The following SRCIN1 variants were observed in gnomAD, a reference collection of about 807,000 sequenced individuals.
The protein encoded by SRCIN1 is P130Cas-associated protein.
Under a neutral mutation model 116.2 loss-of-function variants are expected in SRCIN1, and 50 were observed. That is an observed-to-expected ratio of 0.43 (90% CI 0.34 to 0.54). The LOEUF (loss-of-function observed/expected upper bound fraction) is 0.54. SRCIN1 is among the 20% of genes least tolerant of loss of function. The pLI, the probability that SRCIN1 is intolerant of heterozygous loss-of-function variation, is 0.02. For missense variants in SRCIN1, 1,446 were observed against 1,672.0 expected, an observed-to-expected ratio of 0.86 and a Z score of 2.36; for synonymous variants, 736 against 750.0, an observed-to-expected ratio of 0.98 and a Z score of 0.30.
At chr17:38,575,952 A>G (rs1907394277) in intron 2 of SRCIN1, among the ~76,000 whole-genome samples, 1 of 152,202 alleles carries the variant, frequency 6.6e-6, no homozygotes, top group Non-Finnish European at 1.5e-5. Context: ...TGAACGGGCC[A>G]TAGATCCTGC....
chr17:38,592,424 C>T (rs983668141), intron 1 of SRCIN1, among the ~76,000 whole-genome samples: 4 of 152,326 alleles, frequency 2.6e-5, no homozygotes, highest in East Asian at 3.9e-4. Context: ...ACAAGTGCTC[C>T]CTGTTACCCG....
intron 1 of SRCIN1, among the ~76,000 whole-genome samples, chr17:38,580,358 C>T (rs1907718085): frequency 6.6e-6 from 1 of 152,278 alleles, no homozygotes; most frequent in African/African-American, 2.4e-5. Flanking sequence ...GGCACAGAGC[C>T]TGCGAGGACC....
Position 38,537,608 on chromosome 17 carries a change from G to A in SRCIN1, c.3418-4177C>T, listed in dbSNP as rs182255904. Among the ~76,000 whole-genome samples the A allele has an allele frequency of 3.8e-3, 574 of 151,954 alleles. 3 individuals carry two copies. Among genetic ancestry groups the A allele is most frequent in the African/African-American group, 0.013 (556 of 41,410 alleles). Reference sequence around the variant, plus strand: ...AGATCGAGACCATCCTGGCTAACAGGGTGAAACCCTGTCTCTACTAAAAAT... The same window carrying A: ...AGATCGAGACCATCCTGGCTAACAGAGTGAAACCCTGTCTCTACTAAAAAT... On this transcript the variant is annotated intron_variant, in intron 18 of 18. Coordinates refer to ENST00000617146, the MANE Select transcript of SRCIN1 (RefSeq NM_025248.3).
intron 18 of SRCIN1, among the ~76,000 whole-genome samples, chr17:38,539,723 G>A (rs73302699): frequency 0.018 from 2,692 of 152,072 alleles, 84 homozygotes; most frequent in African/African-American, 0.06. Flanking sequence ...CTCTGGTGTC[G>A]TCCTTTCATT....
At position 38,532,635 on chromosome 17, in the gene SRCIN1, C is replaced by A. The variant is rs1438757681; in HGVS notation, c.*662G>T. The A allele has an allele frequency of 6.6e-6, 1 of 152,316 alleles. No homozygotes were observed. The highest frequency in any genetic ancestry group is 1.5e-5 in the Non-Finnish European group (1 of 68,132). 9.4% of individuals were successfully genotyped at this position (152,316 alleles called of 1,614,324 possible). ...CACCCACCCTGAGGCCTCTCAAACT[C>A]CGGCCTCGTCTCCAGCCTGTCCGTC... On this transcript the variant is annotated 3_prime_UTR_variant, in exon 19 of 19. Transcript: ENST00000617146. This position sits in a 1 kb window ranked among gnomAD's most constrained non-coding sequence, Gnocchi z 4.3.
intron 1 of SRCIN1, among the ~76,000 whole-genome samples, chr17:38,581,826 T>C (rs1907840526): frequency 6.6e-6 from 1 of 152,146 alleles, no homozygotes. Flanking sequence ...ATGAGAAGGC[T>C]GGGGGTTCCC....
intron 1 of SRCIN1, among the ~76,000 whole-genome samples, chr17:38,600,060 T>A (rs1347782289): frequency 6.6e-6 from 1 of 152,224 alleles, no homozygotes; most frequent in Non-Finnish European, 1.5e-5. Context: ...TTTCATTTAA[T>A]CTTCACAATT....
chr17:38,601,864 T>TG (rs1328191493), intron 1 of SRCIN1, among the ~76,000 whole-genome samples: 1 of 150,842 alleles, frequency 6.6e-6, no homozygotes, highest in Non-Finnish European at 1.5e-5. Flanking sequence ...AGGCAGACAA[T>TG]GGGAGGGGTG....
chr17:38,545,687 G>A (rs1348929923), intron 17 of SRCIN1, among the ~76,000 whole-genome samples: 2 of 152,160 alleles, frequency 1.3e-5, no homozygotes, highest in Admixed American at 6.5e-5. Flanking sequence ...TAAAGGTGCC[G>A]GTTTGGCCAG....
intron 1 of SRCIN1, among the ~76,000 whole-genome samples, chr17:38,586,331 G>A (rs1233184163): frequency 6.6e-6 from 1 of 152,220 alleles, no homozygotes; most frequent in East Asian, 1.9e-4. Flanking sequence ...GTGGATGGGG[G>A]CGGGGGGAGA....
intron 9 of SRCIN1, 59 bp downstream of exon 9, chr17:38,559,995 T>G: frequency 7.0e-7 from 1 of 1,438,608 alleles, no homozygotes; most frequent in South Asian, 1.2e-5. Flanking sequence ...ATCCCCACTT[T>G]ATAGATTAGA....
intron 11 of SRCIN1, among the ~76,000 whole-genome samples, chr17:38,553,532 T>C (rs1054134133): frequency 2.0e-5 from 3 of 152,088 alleles, no homozygotes; most frequent in Admixed American, 6.5e-5. Context: ...AGGTCTCTTG[T>C]CTCGGGGGAA....
At chr17:38,559,425 G>A in intron 10 of SRCIN1, 160 bp downstream of exon 10, 1 of 705,600 alleles carries the variant, frequency 1.4e-6, no homozygotes, top group Non-Finnish European at 2.3e-6. Context: ...AAAGGGGAAG[G>A]GGAGAAAGGG....
chr17:38,580,162 C>T lies in SRCIN1; in HGVS notation c.23-1371G>A, dbSNP rs552246465. Among the ~76,000 whole-genome samples, 4 of 151,266 alleles carry T rather than the reference C, an allele frequency of 2.6e-5. No homozygotes were observed. The South Asian group carries it at 8.3e-4, about 32-fold the overall frequency. Reference sequence around the variant, plus strand: ...GCCAGGTTTGCTACAAGCCTCCTCCCGCCAAGCATCCACTGTCAGGAGGTC... The same window carrying T: ...GCCAGGTTTGCTACAAGCCTCCTCCTGCCAAGCATCCACTGTCAGGAGGTC... On this transcript the variant is annotated intron_variant, in intron 1 of 18. Transcript: ENST00000617146.
intron 1 of SRCIN1, among the ~76,000 whole-genome samples, chr17:38,589,581 C>G (rs1908331316): frequency 1.3e-5 from 2 of 152,208 alleles, no homozygotes; most frequent in South Asian, 4.1e-4. Flanking sequence ...CTGACCAATG[C>G]TTAGCCAATG....
At chr17:38,588,665 C>T (rs1908277492) in intron 1 of SRCIN1, among the ~76,000 whole-genome samples, 1 of 152,328 alleles carries the variant, frequency 6.6e-6, no homozygotes, top group African/African-American at 2.4e-5. Flanking sequence ...TCCTCCCTCC[C>T]TGCAGCTGCC....
intron 3 of SRCIN1, among the ~76,000 whole-genome samples, chr17:38,565,612 C>T (rs993542198): frequency 6.6e-6 from 1 of 152,178 alleles, no homozygotes. Flanking sequence ...CTTCAGCTCC[C>T]TCTCTCCCCA....
At chr17:38,537,163 GC>G (rs1904438135) in intron 18 of SRCIN1, among the ~76,000 whole-genome samples, 1 of 151,422 alleles carries the variant, frequency 6.6e-6, no homozygotes, top group South Asian at 2.1e-4. Context: ...GGGTGACAGA[GC>G]GAGAGACTCT....
rs1597905387 is a variant in SRCIN1, at chr17:38,563,075, G to A, written c.741-155C>T. Among the ~76,000 whole-genome samples the A allele has an allele frequency of 2.0e-5, 3 of 152,322 alleles. No homozygotes were observed. The South Asian group carries it at 6.2e-4, about 32-fold the overall frequency. ...ACACACGCCCAGCAGCCTCCACCCCGGCCTCTTCCTGGCCTCCGGCGCCAT... is the reference window on the plus strand; with the variant it reads ...ACACACGCCCAGCAGCCTCCACCCCAGCCTCTTCCTGGCCTCCGGCGCCAT... On this transcript the variant is annotated intron_variant, in intron 5 of 18. Transcript: ENST00000617146. This position sits in a 1 kb window ranked among gnomAD's most constrained non-coding sequence, Gnocchi z 5.8.
Sources: gnomAD v4.1 joint callset for allele counts (sites outside exome capture counted in the v4.1 genomes callset) on GRCh38, gnomAD v4.1.1 for gene constraint, Gnocchi (gnomAD v3.1) non-coding constraint, MANE v1.5 for transcripts, NCBI Gene and HGNC (gene_info 2026-07-23, HGNC 2026-07-21) for gene names.